Variants in MRI1 observed in about 807,000 individuals in gnomAD.
MRI1 encodes the protein methylthioribose-1-phosphate isomerase.
Under a neutral mutation model 27.3 loss-of-function variants are expected in MRI1, and 32 were observed. The observed-to-expected ratio is 1.17, with a 90% CI of 0.88 to 1.57. The LOEUF (loss-of-function observed/expected upper bound fraction) is 1.57. Among genes scored for constraint, MRI1 ranks in the 40% most tolerant of loss-of-function variants. The pLI is 0.00. For missense variants in MRI1, 508 were observed against 516.1 expected (o/e 0.98, Z 0.15); for synonymous variants, 216 against 227.4 (o/e 0.95, Z 0.45).
chr19:13,767,697 C>T (rs1974168063), intron 3 of MRI1, among the ~76,000 whole-genome samples: 1 of 151,600 alleles, frequency 6.6e-6, no homozygotes, highest in Admixed American at 6.6e-5. Context: ...CCCACCTATT[C>T]GGGAGGGGAC....
rs1211523554 is a variant in MRI1 at position 13,773,537 on chromosome 19, G to A, written c.*1256G>A. The A allele has an allele frequency of 6.5e-6, 1 of 153,620 alleles. No homozygotes were observed. Among genetic ancestry groups the A allele is most frequent in the Non-Finnish European group, 1.5e-5 (1 of 68,104 alleles). 9.5% of individuals were successfully genotyped at this position (153,620 alleles called of 1,614,324 possible). A position where few individuals can be genotyped will look rare whatever the true frequency, so the allele number is the denominator to read the frequency against. On this transcript the variant is annotated 3_prime_UTR_variant, in exon 6 of 6. Transcript: ENST00000040663. ...GCCCCAGCTACTCAGGCTGAAGTGG[G>A]AGGATGGCTTGAGCCCAGGAGTTCA... is the stretch of plus-strand genomic sequence containing the variant.
At chr19:13,768,018 G>A (rs910694556) in intron 3 of MRI1, among the ~76,000 whole-genome samples, 5 of 151,706 alleles carry the variant, frequency 3.3e-5, no homozygotes, top group South Asian at 2.1e-4. Flanking sequence ...ACAGGTGCCC[G>A]CCACCACGCC....
At chr19:13,769,088 G>A (rs1974216224) in intron 5 of MRI1, 40 bp downstream of exon 5, 1 of 1,523,496 alleles carries the variant, frequency 6.6e-7, no homozygotes, top group Non-Finnish European at 9.0e-7. Flanking sequence ...CCAGCTCCTG[G>A]GCACTTCATG....
chr19:13,770,428 A>T (rs749255014), intron 5 of MRI1, among the ~76,000 whole-genome samples: 3 of 151,776 alleles, frequency 2.0e-5, no homozygotes, highest in Non-Finnish European at 4.4e-5. Flanking sequence ...CTACTAAAAA[A>T]ATATAAAAAT....
chr19:13,768,809 A>ACC lies in MRI1; in HGVS notation c.725-14_725-13insCC, dbSNP rs1974205009. On this transcript the variant is annotated splice_polypyrimidine_tract_variant and intron_variant, in intron 4 of 5. Transcript: ENST00000040663. ...CAGGTAATGACCCCCAACTTCTCAT[A>ACC]CGCCCCCTCCCCAGCTGTGGTCGTG... 1 of 1,593,090 alleles carries ACC rather than the reference A, an allele frequency of 6.3e-7. No homozygotes were observed. The highest frequency in any genetic ancestry group is 1.4e-5 in the African/African-American group (1 of 72,890).
At position 13,773,085 on chromosome 19, in the gene MRI1, T is replaced by C. The variant is rs1399140215; in HGVS notation, c.*804T>C. ...ATGTAGAGGCGAGATCTCAGCTCAC[T>C]GAAACCTGTGCCTCCCCGGTTCAAG... On this transcript the variant is annotated 3_prime_UTR_variant, in exon 6 of 6. Coordinates refer to ENST00000040663, the MANE Select transcript of MRI1 (RefSeq NM_001031727.4). The C allele has an allele frequency of 6.6e-6, 1 of 151,738 alleles. No homozygotes were observed. Among genetic ancestry groups the C allele is most frequent in the African/African-American group, 2.4e-5 (1 of 41,362 alleles). 9.4% of individuals were successfully genotyped at this position (151,738 alleles called of 1,614,324 possible). A position where few individuals can be genotyped will look rare whatever the true frequency, so the allele number is the denominator to read the frequency against.
At chr19:13,772,054 G>T in intron 5 of MRI1, 67 bp from the exon 6 acceptor site, 1 of 1,464,980 alleles carries the variant, frequency 6.8e-7, no homozygotes, top group East Asian at 2.3e-5. Flanking sequence ...AGAAACAGAT[G>T]ACTACAACCT....
chr19:13,771,976 T>A, intron 5 of MRI1, 145 bp from the exon 6 acceptor site: 1 of 681,716 alleles, frequency 1.5e-6, no homozygotes, highest in Non-Finnish European at 2.5e-6. Flanking sequence ...TGTCCATGCC[T>A]GCATGTACTT....
Position 13,768,937 on chromosome 19 carries a change from G to A in MRI1, c.838G>A (p.Ala280Thr), listed in dbSNP as rs1172868579. ...KHHGIPFYVA[A>T]PSSSCDLRLE... ...CCATGGCATTCCCTTCTACGTGGCTGCCCCCAGCTCTTCATGTGACCTCCG... is the reference window on the plus strand; with the variant it reads ...CCATGGCATTCCCTTCTACGTGGCTACCCCCAGCTCTTCATGTGACCTCCG... The change falls in exon 5 of 6, where the codon GCC becomes ACC. Residue 280 changes from alanine to threonine, a missense_variant. Transcript: ENST00000040663. 6.2e-7 allele frequency: 1 copy of A among 1,614,150 alleles called. No individual in the cohort carries two copies. The highest frequency in any genetic ancestry group is 1.1e-5 in the South Asian group (1 of 91,080).
Position 13,772,218 on chromosome 19 carries a change from C to A in MRI1, c.1047C>A (p.Leu349=), listed in dbSNP as rs1253244116. 6.2e-7 allele frequency: 1 copy of A among 1,614,086 alleles called. No homozygotes were observed. The highest frequency in any genetic ancestry group is 1.7e-5 in the Admixed American group (1 of 60,006). ...TELGVFAPEE[L]RTALTTTISS... is the part of the protein sequence containing the mutation. ...TGGGGGTCTTTGCCCCTGAGGAGCT[C>A]CGGACAGCCCTAACCACCACCATCT... is the stretch of plus-strand genomic sequence containing the variant. Residue 349 remains leucine (L), a synonymous_variant, in exon 6 of 6, where the codon CTC becomes CTA. Transcript: ENST00000040663.
chr19:13,767,203 C>A (rs946197801), intron 3 of MRI1, among the ~76,000 whole-genome samples: 1 of 151,182 alleles, frequency 6.6e-6, no homozygotes, highest in South Asian at 2.1e-4. Context: ...TGAGCCACTA[C>A]GCCCAGCTAA....
In MRI1 at chr19:13,768,982, A is replaced by G. The variant is rs1214496799; in HGVS notation, c.883A>G (p.Ile295Val). The change falls in exon 5 of 6, where the codon ATC becomes GTC. Residue 295 changes from isoleucine to valine, a missense_variant. Around this residue, in one of 3 missense-constraint regions of MRI1, gnomAD observed 457 missense variants for 452.8 expected, o/e 1.01. Transcript: ENST00000040663. ...CDLRLETGKEIIIEERPGQEL... is the reference protein window; with the variant it reads ...CDLRLETGKEVIIEERPGQEL... ...CCTCCGTCTGGAGACCGGCAAGGAGATCATTATTGAAGAGCGACCGGGCCA... is the reference window on the plus strand; with the variant it reads ...CCTCCGTCTGGAGACCGGCAAGGAGGTCATTATTGAAGAGCGACCGGGCCA... 1 of 1,613,990 alleles carries G rather than the reference A, an allele frequency of 6.2e-7. No individual in the cohort carries two copies.
chr19:13,769,998 G>A (rs376799172), intron 5 of MRI1, among the ~76,000 whole-genome samples: 9 of 151,836 alleles, frequency 5.9e-5, no homozygotes, highest in South Asian at 2.1e-4. Context: ...ATAGGGTCTC[G>A]CTATGTTCCC....
rs1443472307 is a variant in MRI1 at position 13,772,282 on chromosome 19, C to A, written c.*1C>A. 1 of 1,610,602 alleles carries A rather than the reference C, an allele frequency of 6.2e-7. No individual in the cohort carries two copies. The highest frequency in any genetic ancestry group is 8.5e-7 in the Non-Finnish European group (1 of 1,178,644). On this transcript the variant is annotated 3_prime_UTR_variant, in exon 6 of 6. Coordinates refer to ENST00000040663, the MANE Select transcript of MRI1 (RefSeq NM_001031727.4). ...AACCCTAGATGGACCCCAGATGTAA[C>A]CAACTCAGCTCTCCCTAGCCTGCCT...
chr19:13,767,101 C>T (rs1194795589), intron 3 of MRI1, among the ~76,000 whole-genome samples: 1 of 126,896 alleles, frequency 7.9e-6, no homozygotes, highest in Non-Finnish European at 1.6e-5. Context: ...CAGGCTGGTG[C>T]AGTGGCATGA....
chr19:13,767,037 AT>A (rs1161584156), intron 3 of MRI1, among the ~76,000 whole-genome samples: 23 of 21,080 alleles, frequency 1.1e-3, no homozygotes, highest in East Asian at 8.0e-3. Context: ...ATATATATAT[AT>A]TTTTTTTTTT....
At position 13,771,394 on chromosome 19, in the gene MRI1, G is replaced by C. The variant is rs191943180; in HGVS notation, c.950-727G>C. Among the ~76,000 whole-genome samples the C allele has an allele frequency of 3.9e-5, 6 of 151,946 alleles. No homozygotes were observed. In the East Asian group the frequency reaches 5.8e-4, roughly 15 times the overall value. On this transcript the variant is annotated intron_variant, in intron 5 of 5. Coordinates refer to ENST00000040663, the MANE Select transcript of MRI1 (RefSeq NM_001031727.4). Reference sequence around the variant, plus strand: ...AAAAAACAAAAAAACAGCTAGACATGATGGTGCACATCTGTGGTCCCAGCT... The same window carrying C: ...AAAAAACAAAAAAACAGCTAGACATCATGGTGCACATCTGTGGTCCCAGCT...
chr19:13,768,846 C>T lies in MRI1; in HGVS notation c.747C>T (p.Arg249=), dbSNP rs933329805. 1.1e-5 allele frequency: 18 copies of T among 1,610,040 alleles called. No homozygotes were observed. Among genetic ancestry groups the T allele is most frequent in the African/African-American group, 4.0e-5 (3 of 75,010 alleles). The change falls in exon 5 of 6, where the codon CGC becomes CGT. Residue 249 remains arginine (R), a synonymous_variant. Coordinates refer to ENST00000040663, the MANE Select transcript of MRI1 (RefSeq NM_001031727.4). Reference sequence around the variant, plus strand: ...CAGCTGTGGTCGTGGGAGCTGACCGCGTGGTTGCCAACGGCGACACAGCCA... The same window carrying T: ...CAGCTGTGGTCGTGGGAGCTGACCGTGTGGTTGCCAACGGCGACACAGCCA... ...GVSAVVVGAD[R]VVANGDTANK...
Position 13,772,651 on chromosome 19 carries a change from ACC to A in MRI1, c.*373_*374del. On this transcript the variant is annotated 3_prime_UTR_variant, in exon 6 of 6. Coordinates refer to ENST00000040663, the MANE Select transcript of MRI1 (RefSeq NM_001031727.4). ...AGACCATCCTGGCTAACATGGTGAAACCCCATCTCTACTAAAAATACAAAAAA... is the reference window on the plus strand; with the variant it reads ...AGACCATCCTGGCTAACATGGTGAAACCATCTCTACTAAAAATACAAAAAA... The A allele has an allele frequency of 6.4e-6, 1 of 155,858 alleles. No homozygotes were observed. Among genetic ancestry groups the A allele is most frequent in the South Asian group, 1.9e-4 (1 of 5,262 alleles). The allele number at this position is 155,858 out of a possible 1,614,324, so 9.7% of individuals were successfully genotyped here. A position where few individuals can be genotyped will look rare whatever the true frequency, so the allele number is the denominator to read the frequency against.
Sources: allele counts gnomAD v4.1 joint callset (sites outside exome capture counted in the v4.1 genomes callset), GRCh38; gene constraint gnomAD v4.1.1; regional missense constraint gnomAD v4.1.1; transcripts MANE v1.5; gene names NCBI Gene and HGNC (gene_info 2026-07-23, HGNC 2026-07-21).